TSC22D1: variants seen among roughly 807,000 people sequenced by gnomAD.
The protein encoded by TSC22D1 is TSC22 domain family member 1, also known as TSC22 domain family protein 1.
Under a neutral mutation model 74.2 loss-of-function variants are expected in TSC22D1, and 9 were observed. That is an observed-to-expected ratio of 0.12 (90% confidence interval 0.07 to 0.21). TSC22D1 has a LOEUF of 0.21. TSC22D1 is among the 10% of genes least tolerant of loss of function. TSC22D1 has a pLI of 1.00. For synonymous variants in TSC22D1, 586 were observed against 492.5 expected, an observed-to-expected ratio of 1.19 and a Z score of -2.51; for missense variants, 1,427 against 1,304.7, an observed-to-expected ratio of 1.09 and a Z score of -1.44.
At chr13:44,559,567 C>T (rs1008281633) in intron 1 of TSC22D1, among the ~76,000 whole-genome samples, 5 of 152,090 alleles carry the variant, frequency 3.3e-5, no homozygotes, top group Non-Finnish European at 5.9e-5. Context: ...CTTGGTCACC[C>T]AGTCTAGAGT....
intron 1 of TSC22D1, among the ~76,000 whole-genome samples, chr13:44,497,273 G>C (rs1164973119): frequency 6.6e-6 from 1 of 152,164 alleles, no homozygotes; most frequent in East Asian, 1.9e-4. Context: ...ATCGTGCTAA[G>C]TGAAAGAGGC....
intron 1 of TSC22D1, among the ~76,000 whole-genome samples, chr13:44,514,241 A>G (rs892066333): frequency 6.6e-6 from 1 of 152,204 alleles, no homozygotes; most frequent in Non-Finnish European, 1.5e-5. Flanking sequence ...AAAGGAGTTA[A>G]GATTTATGTA....
Position 44,573,921 on chromosome 13 carries a change from T to A in TSC22D1, c.2154A>T (p.Ala718=). The A allele has an allele frequency of 6.2e-7, 1 of 1,614,210 alleles. No individual in the cohort carries two copies. Among genetic ancestry groups the A allele is most frequent in the South Asian group, 1.1e-5 (1 of 91,086 alleles). ...TGCCAGTAGGTACAGCAGACACTGCTGCCGGAGCCTGGCCAACAGGCTGGA... is the reference window on the plus strand; with the variant it reads ...TGCCAGTAGGTACAGCAGACACTGCAGCCGGAGCCTGGCCAACAGGCTGGA... ...ASVQPVGQAP[A]AVSAVPTGSQ... The change falls in exon 1 of 3, where the codon GCA becomes GCT. Residue 718 remains alanine (A), a synonymous_variant. Coordinates refer to ENST00000458659, the MANE Select transcript of TSC22D1 (RefSeq NM_183422.4).
At chr13:44,534,262 G>A (rs1881020904) in intron 1 of TSC22D1, among the ~76,000 whole-genome samples, 1 of 148,934 alleles carries the variant, frequency 6.7e-6, no homozygotes, top group African/African-American at 2.5e-5. Flanking sequence ...ACATGGCAGT[G>A]CACGCCTGTA....
At chr13:44,544,272 T>G (rs1437053708) in intron 1 of TSC22D1, among the ~76,000 whole-genome samples, 1 of 151,700 alleles carries the variant, frequency 6.6e-6, no homozygotes, top group Non-Finnish European at 1.5e-5. Flanking sequence ...TTTCAGAGAT[T>G]TAAAAGTAGT....
intron 1 of TSC22D1, among the ~76,000 whole-genome samples, chr13:44,540,880 G>A (rs1057233131): frequency 6.6e-6 from 1 of 152,148 alleles, no homozygotes; most frequent in African/African-American, 2.4e-5. Flanking sequence ...TTGGAAAACA[G>A]ATCAATTATG....
intron 1 of TSC22D1, among the ~76,000 whole-genome samples, chr13:44,455,815 A>G (rs9533857): frequency 0.099 from 15,082 of 152,218 alleles, 780 homozygotes; most frequent in Non-Finnish European, 0.11. Flanking sequence ...TCACACCACT[A>G]AAGAGATGAG....
intron 1 of TSC22D1, among the ~76,000 whole-genome samples, chr13:44,551,214 T>G (rs893555738): frequency 1.3e-5 from 2 of 150,574 alleles, no homozygotes; most frequent in Non-Finnish European, 3.0e-5. Flanking sequence ...GAAGTGGCAG[T>G]GATCCAAGAT....
chr13:44,480,656 G>A (rs1302868004), intron 1 of TSC22D1, among the ~76,000 whole-genome samples: 1 of 152,142 alleles, frequency 6.6e-6, no homozygotes, highest in East Asian at 1.9e-4. Flanking sequence ...ATAAGAGGCT[G>A]TTTGGAGGAG....
At chr13:44,550,531 G>A (rs1030639789) in intron 1 of TSC22D1, among the ~76,000 whole-genome samples, 3 of 150,716 alleles carry the variant, frequency 2.0e-5, no homozygotes, top group South Asian at 2.1e-4. Flanking sequence ...GCAGTGAGCC[G>A]AGATTGCACC....
chr13:44,575,514 C>T lies in TSC22D1; in HGVS notation c.561G>A (p.Gly187=), dbSNP rs752128823. The T allele has an allele frequency of 8.1e-6, 13 of 1,613,998 alleles. No homozygotes were observed. Among genetic ancestry groups the T allele is most frequent in the South Asian group, 1.1e-5 (1 of 91,064 alleles). The change falls in exon 1 of 3, where the codon GGG becomes GGA. Residue 187 remains glycine (G), a synonymous_variant. Transcript: ENST00000458659. ...GGTGGGGCTGGTTGGGAGAGACTGC[C>T]CCAGGTGTCTCGGCTTCCTGGAAGT... ...LNNFQEAETP[G]AVSPNQPHLP...
At chr13:44,519,123 T>C (rs191481074) in intron 1 of TSC22D1, among the ~76,000 whole-genome samples, 13 of 152,290 alleles carry the variant, frequency 8.5e-5, no homozygotes, top group African/African-American at 2.9e-4. Flanking sequence ...GAGAGGATGT[T>C]ATAGTTTAAG....
At chr13:44,495,182 G>T (rs1187202251) in intron 1 of TSC22D1, among the ~76,000 whole-genome samples, 1 of 150,238 alleles carries the variant, frequency 6.7e-6, no homozygotes, top group Non-Finnish European at 1.5e-5. Flanking sequence ...GAAAAGGAAA[G>T]AATTATTTGA....
At chr13:44,444,137 T>C (rs1875420731) in intron 1 of TSC22D1, among the ~76,000 whole-genome samples, 2 of 151,182 alleles carry the variant, frequency 1.3e-5, no homozygotes, top group South Asian at 2.1e-4. Flanking sequence ...AAATTAGCTG[T>C]GCATAGTGGC....
At chr13:44,436,521 A>T (rs1193231862) in intron 1 of TSC22D1, 2 of 1,614,054 alleles carry the variant, frequency 1.2e-6, no homozygotes, top group East Asian at 4.5e-5. Context: ...CAAGTCTCAC[A>T]GAAGCGTTTT....
rs1458311442 is a variant in TSC22D1, at chr13:44,490,888, GTGAAACTCCGTCTCATTAAAAAAAA to G, written c.2913-54818_2913-54794del. Among the ~76,000 whole-genome samples, 186 of 148,336 alleles carry G rather than the reference GTGAAACTCCGTCTCATTAAAAAAAA, an allele frequency of 1.3e-3. 1 individual carries two copies. The highest frequency in any genetic ancestry group is 4.3e-3 in the African/African-American group (173 of 40,346). On this transcript the variant is annotated intron_variant, in intron 1 of 2. Transcript: ENST00000458659. ...CTCCAGCCTGGGCAACAAGGCTGGA[GTGAAACTCCGTCTCATTAAAAAAAA>G]TGAAACTCCGTCTCATTAAAAAAAA...
chr13:44,491,405 T>A (rs1030201575), intron 1 of TSC22D1, among the ~76,000 whole-genome samples: 6 of 151,604 alleles, frequency 4.0e-5, no homozygotes, highest in African/African-American at 1.5e-4. Flanking sequence ...TACAAAAAAA[T>A]TAGCTGGACG....
At position 44,575,523 on chromosome 13, in the gene TSC22D1, C is replaced by T. The variant is rs767881111; in HGVS notation, c.552G>A (p.Glu184=). The change falls in exon 1 of 3, where the codon GAG becomes GAA. Residue 184 remains glutamate, a synonymous_variant. Coordinates refer to ENST00000458659, the MANE Select transcript of TSC22D1 (RefSeq NM_183422.4). ...EETLNNFQEA[E]TPGAVSPNQP... is the part of the protein sequence containing the mutation. Reference sequence around the variant, plus strand: ...GGTTGGGAGAGACTGCCCCAGGTGTCTCGGCTTCCTGGAAGTTATTTAGGG... The same window carrying T: ...GGTTGGGAGAGACTGCCCCAGGTGTTTCGGCTTCCTGGAAGTTATTTAGGG... 1 of 1,614,084 alleles carries T rather than the reference C, an allele frequency of 6.2e-7. No individual in the cohort carries two copies. The highest frequency in any genetic ancestry group is 1.1e-5 in the South Asian group (1 of 91,070).
intron 1 of TSC22D1, among the ~76,000 whole-genome samples, chr13:44,545,765 C>T (rs549183267): frequency 6.6e-6 from 1 of 151,822 alleles, no homozygotes; most frequent in South Asian, 2.1e-4. Context: ...TCACTTGAGG[C>T]CAGGAGTTCA....
Sources: gnomAD v4.1 joint callset for allele counts (sites outside exome capture counted in the v4.1 genomes callset) on GRCh38, gnomAD v4.1.1 for gene constraint, MANE v1.5 for transcripts, NCBI Gene and HGNC (gene_info 2026-07-23, HGNC 2026-07-21) for gene names.